ZNF148: variants seen among roughly 807,000 people sequenced by gnomAD.
ZNF148 encodes zinc finger protein 148.
ZNF148 carries 7 observed loss-of-function variants against 67.7 expected under a neutral mutation model. The observed-to-expected ratio is 0.10, with a 90% confidence interval of 0.06 to 0.19. ZNF148 has a LOEUF of 0.19. Among genes scored for constraint, ZNF148 ranks in the 10% least tolerant of loss-of-function variants. ZNF148 has a pLI of 1.00. For synonymous variants in ZNF148, 333 were observed against 330.7 expected (o/e 1.01, Z -0.08); for missense variants, 583 against 947.1 (o/e 0.62, Z 5.05).
chr3:125,297,022 A>C (rs552745940), intron 4 of ZNF148, among the ~76,000 whole-genome samples: 9 of 152,234 alleles, frequency 5.9e-5, no homozygotes, highest in African/African-American at 1.4e-4. Flanking sequence ...TTCCTAAAGT[A>C]GTAAGATTAT....
chr3:125,277,550 A>C (rs770719887), intron 7 of ZNF148, among the ~76,000 whole-genome samples, 176 bp downstream of exon 7: 1 of 152,238 alleles, frequency 6.6e-6, no homozygotes, highest in African/African-American at 2.4e-5. Context: ...GGGCTTGGAC[A>C]TTAAAGTTAA....
chr3:125,276,289 T>C (rs987161556), intron 7 of ZNF148, among the ~76,000 whole-genome samples: 13 of 152,172 alleles, frequency 8.5e-5, no homozygotes, highest in South Asian at 2.1e-4. Flanking sequence ...GTGCCTAGTA[T>C]AGCCCCTTCT....
chr3:125,288,580 C>T (rs563106375), intron 4 of ZNF148, among the ~76,000 whole-genome samples: 105 of 151,312 alleles, frequency 6.9e-4, no homozygotes, highest in Non-Finnish European at 1.1e-3. Context: ...AAGTTAAAAG[C>T]GCACAAAAAA....
intron 4 of ZNF148, among the ~76,000 whole-genome samples, chr3:125,297,407 CA>C (rs1407125892): frequency 6.6e-6 from 1 of 151,512 alleles, no homozygotes; most frequent in South Asian, 2.1e-4. Context: ...AAGAAGGACA[CA>C]AAAAATACCA....
intron 4 of ZNF148, among the ~76,000 whole-genome samples, chr3:125,290,847 A>T (rs1014460413): frequency 1.3e-5 from 2 of 152,162 alleles, no homozygotes; most frequent in Non-Finnish European, 2.9e-5. Flanking sequence ...ATTCAAAGGG[A>T]GAAATAAAGA....
intron 7 of ZNF148, among the ~76,000 whole-genome samples, chr3:125,269,957 G>C (rs1937646036): frequency 6.6e-6 from 1 of 152,012 alleles, no homozygotes; most frequent in South Asian, 2.1e-4. Context: ...GACTCCAAAA[G>C]GAAGAAGAGA....
At chr3:125,324,627 T>C (rs1940940496) in intron 2 of ZNF148, among the ~76,000 whole-genome samples, 1 of 152,186 alleles carries the variant, frequency 6.6e-6, no homozygotes, top group African/African-American at 2.4e-5. Flanking sequence ...ATAGTTCACA[T>C]ACACTCCTTC....
rs73859156 is a variant in ZNF148, at chr3:125,248,511, T to A, written c.668-14182A>T. ...ATCGGCTTTCTTCCCTTTAAAAAAA[T>A]TAACTAGGGTATAAAAGATGAAGGA... On this transcript the variant is annotated intron_variant, in intron 7 of 8. Transcript: ENST00000360647. Among the ~76,000 whole-genome samples, 649 of 152,274 alleles carry A rather than the reference T, an allele frequency of 4.3e-3. 4 individuals carry two copies. The highest frequency in any genetic ancestry group is 0.015 in the African/African-American group (623 of 41,552).
At chr3:125,309,833 C>T (rs1020685143) in intron 4 of ZNF148, among the ~76,000 whole-genome samples, 16 of 152,154 alleles carry the variant, frequency 1.1e-4, no homozygotes, top group Non-Finnish European at 2.1e-4. Context: ...TAGACTACCT[C>T]ATCCAACAAA....
intron 1 of ZNF148, among the ~76,000 whole-genome samples, chr3:125,365,969 C>T (rs187805567): frequency 2.6e-4 from 39 of 152,296 alleles, no homozygotes; most frequent in Middle Eastern, 3.4e-3. Context: ...AGCCACCTAA[C>T]TGGTCTTTTT....
chr3:125,314,309 C>A (rs1414807755), intron 3 of ZNF148, among the ~76,000 whole-genome samples: 1 of 152,100 alleles, frequency 6.6e-6, no homozygotes, highest in Non-Finnish European at 1.5e-5. Context: ...TGTACATATT[C>A]TTTGAACAAG....
At chr3:125,334,123 C>T (rs998777887) in intron 1 of ZNF148, among the ~76,000 whole-genome samples, 9 of 152,118 alleles carry the variant, frequency 5.9e-5, no homozygotes, top group African/African-American at 2.2e-4. Flanking sequence ...AAATAAAATG[C>T]ACAAGTATTT....
intron 2 of ZNF148, among the ~76,000 whole-genome samples, chr3:125,325,424 A>G (rs1351160744): frequency 6.6e-6 from 1 of 151,762 alleles, no homozygotes; most frequent in Non-Finnish European, 1.5e-5. Context: ...AAAGAGCAGA[A>G]AAAAAAAATT....
chr3:125,311,286 A>C (rs777982838), intron 4 of ZNF148: 2 of 153,550 alleles, frequency 1.3e-5, no homozygotes, highest in Admixed American at 1.3e-4. Context: ...TTTAATCCAG[A>C]AATAGAAGTT....
intron 1 of ZNF148, among the ~76,000 whole-genome samples, chr3:125,343,623 G>A (rs1395489104): frequency 6.6e-6 from 1 of 152,054 alleles, no homozygotes; most frequent in Admixed American, 6.6e-5. Context: ...ATTGAAAAAA[G>A]GGCATTCTGA....
intron 1 of ZNF148, among the ~76,000 whole-genome samples, chr3:125,334,905 A>G (rs1941429108): frequency 6.6e-6 from 1 of 152,106 alleles, no homozygotes; most frequent in Non-Finnish European, 1.5e-5. Flanking sequence ...CAGAATCTCC[A>G]GCATACAGCA....
At chr3:125,241,087 C>T (rs932107211) in intron 7 of ZNF148, among the ~76,000 whole-genome samples, 1 of 150,638 alleles carries the variant, frequency 6.6e-6, no homozygotes, top group Admixed American at 6.6e-5. Flanking sequence ...ATCTCCATTC[C>T]TTTCTTTTAA....
chr3:125,278,741 T>C (rs1938208167), intron 6 of ZNF148, among the ~76,000 whole-genome samples: 1 of 152,190 alleles, frequency 6.6e-6, no homozygotes, highest in South Asian at 2.1e-4. Flanking sequence ...TACAATTTCA[T>C]TATCTTAGCT....
At chr3:125,327,986 G>A (rs1479284268) in intron 2 of ZNF148, among the ~76,000 whole-genome samples, 1 of 151,586 alleles carries the variant, frequency 6.6e-6, no homozygotes, top group Non-Finnish European at 1.5e-5. Context: ...TAAGTAATAT[G>A]CTCTCAGGCA....
Sources: allele counts gnomAD v4.1 joint callset (sites outside exome capture counted in the v4.1 genomes callset), GRCh38; gene constraint gnomAD v4.1.1; transcripts MANE v1.5; gene names NCBI Gene and HGNC (gene_info 2026-07-23, HGNC 2026-07-21).